Variants in NECTIN3 observed in about 807,000 individuals in gnomAD.
The protein encoded by NECTIN3 is nectin cell adhesion molecule 3, also known as nectin-3.
Under a neutral mutation model 49.4 loss-of-function variants are expected in NECTIN3, and 8 were observed. The ratio of observed to expected loss-of-function variants is 0.16; its 90% CI spans 0.10 to 0.29. NECTIN3 has a LOEUF of 0.29. NECTIN3 is among the 10% of genes least tolerant of loss of function. NECTIN3 has a pLI of 1.00. For missense variants in NECTIN3, 581 were observed against 654.6 expected, an observed-to-expected ratio of 0.89 and a Z score of 1.23; for synonymous variants, 277 against 241.1, an observed-to-expected ratio of 1.15 and a Z score of -1.38.
downstream of NECTIN3, among the ~76,000 whole-genome samples, chr3:111,140,909 T>A (rs1029356709): frequency 5.9e-5 from 9 of 152,092 alleles, no homozygotes; most frequent in African/African-American, 2.2e-4. Context: ...TTTCATGAAA[T>A]GTCTTTTTTA....
At chr3:111,076,576 G>A (rs770796060) in intron 1 of NECTIN3, among the ~76,000 whole-genome samples, 3 of 151,968 alleles carry the variant, frequency 2.0e-5, no homozygotes. Context: ...GTCTAAAATG[G>A]TCTTTAAATT....
intron 7 of NECTIN3, among the ~76,000 whole-genome samples, chr3:111,184,338 G>A (rs903529879): frequency 6.6e-6 from 1 of 152,060 alleles, no homozygotes; most frequent in Non-Finnish European, 1.5e-5. Context: ...AAATTTAATT[G>A]CCATTGTAAT....
downstream of NECTIN3, among the ~76,000 whole-genome samples, chr3:111,140,653 A>G (rs1375145342): frequency 4.0e-5 from 6 of 151,846 alleles, no homozygotes; most frequent in Non-Finnish European, 1.5e-5. Context: ...CTTCCTTTAC[A>G]TTTTTGACTA....
intron 1 of NECTIN3, 33 bp downstream of exon 1, chr3:111,072,210 G>A (rs934159945): frequency 1.3e-6 from 2 of 1,526,938 alleles, no homozygotes; most frequent in South Asian, 1.2e-5. Flanking sequence ...CGTGGGCTGA[G>A]GGAGCCGCCA....
At chr3:111,106,347 C>T (rs1407211288) in intron 1 of NECTIN3, among the ~76,000 whole-genome samples, 1 of 152,098 alleles carries the variant, frequency 6.6e-6, no homozygotes, top group Non-Finnish European at 1.5e-5. Flanking sequence ...CCAGGTTTCT[C>T]CTTAGAATAT....
At chr3:111,111,669 G>T (rs1220432861) in intron 1 of NECTIN3, among the ~76,000 whole-genome samples, 1 of 152,194 alleles carries the variant, frequency 6.6e-6, no homozygotes, top group Non-Finnish European at 1.5e-5. Flanking sequence ...GTGTCAGCCA[G>T]AGCTGGGAAC....
At chr3:111,129,878 G>T (rs2034314217) in intron 5 of NECTIN3, among the ~76,000 whole-genome samples, 1 of 151,720 alleles carries the variant, frequency 6.6e-6, no homozygotes, top group Non-Finnish European at 1.5e-5. Context: ...TTGAACTCCT[G>T]AGCTCAGGCA....
chr3:111,120,830 C>G (rs1398006404), intron 3 of NECTIN3, among the ~76,000 whole-genome samples: 1 of 151,890 alleles, frequency 6.6e-6, no homozygotes, highest in African/African-American at 2.4e-5. Flanking sequence ...TTAAATTAGG[C>G]CTTTCTTTTT....
chr3:111,135,284 A>G lies in NECTIN3; in HGVS notation c.*1069A>G. ...AACTAGATTATAGAATTAGTCGGTA[A>G]CACTTGCTAATGGACATTGGCATTC... On this transcript the variant is annotated 3_prime_UTR_variant, in exon 6 of 6. Coordinates refer to ENST00000485303, the MANE Select transcript of NECTIN3 (RefSeq NM_015480.3). 1 of 963,704 alleles carries G rather than the reference A, an allele frequency of 1.0e-6. No homozygotes were observed. The highest frequency in any genetic ancestry group is 4.8e-5 in the South Asian group (1 of 20,822). 59.7% of individuals were successfully genotyped at this position (963,704 alleles called of 1,614,324 possible).
chr3:111,100,696 A>T lies in NECTIN3; in HGVS notation c.161-11334A>T, dbSNP rs191825050. Among the ~76,000 whole-genome samples, 790 of 152,040 alleles carry T rather than the reference A, an allele frequency of 5.2e-3. 7 individuals carry two copies. The highest frequency in any genetic ancestry group is 0.018 in the African/African-American group (725 of 41,344). ...CATTTAAATATTTAAATAGTAATTT[A>T]AACTAACTTTAAGACTTTTTTAAAA... is the stretch of plus-strand genomic sequence containing the variant. On this transcript the variant is annotated intron_variant, in intron 1 of 5. Coordinates refer to ENST00000485303, the MANE Select transcript of NECTIN3 (RefSeq NM_015480.3).
intron 1 of NECTIN3, among the ~76,000 whole-genome samples, chr3:111,092,315 A>C (rs1038220012): frequency 1.3e-5 from 2 of 152,098 alleles, no homozygotes; most frequent in Admixed American, 1.3e-4. Context: ...AAAATACACT[A>C]TCTGTTTTTT....
At chr3:111,118,155 CT>C (rs1489045879) in intron 2 of NECTIN3, among the ~76,000 whole-genome samples, 13 of 147,542 alleles carry the variant, frequency 8.8e-5, no homozygotes, top group East Asian at 2.0e-4. Flanking sequence ...CTCAGAAGAA[CT>C]TTTTTTATTT....
intron 4 of NECTIN3, 109 bp from the exon 5 acceptor site, chr3:111,126,075 C>G: frequency 1.3e-6 from 1 of 772,602 alleles, no homozygotes; most frequent in Non-Finnish European, 1.8e-6. Flanking sequence ...GTCTGAGATG[C>G]TTTTTTATTT....
At chr3:111,138,687 T>A (rs2034658618), downstream of NECTIN3, among the ~76,000 whole-genome samples, 1 of 151,708 alleles carries the variant, frequency 6.6e-6, no homozygotes, top group Non-Finnish European at 1.5e-5. Context: ...TTTTAATAGC[T>A]GCTGTTTTTT....
intron 1 of NECTIN3, among the ~76,000 whole-genome samples, chr3:111,082,558 G>A (rs2031682041): frequency 6.6e-6 from 1 of 152,144 alleles, no homozygotes; most frequent in Admixed American, 6.5e-5. Context: ...TAGAGGTAAG[G>A]GCATTCGTGA....
At chr3:111,077,227 G>C (rs1232097151) in intron 1 of NECTIN3, 1 of 442,280 alleles carries the variant, frequency 2.3e-6, no homozygotes, top group Non-Finnish European at 4.6e-6. Flanking sequence ...ACTATTGACT[G>C]CCCACCATTC....
rs1267932734 is a variant in NECTIN3, at chr3:111,134,186, G to A, written c.1621G>A (p.Val541Ile). The change falls in exon 6 of 6, where the codon GTA becomes ATA. Residue 541 changes from valine to isoleucine, a missense_variant. By Grantham distance (29) the Val-to-Ile change is conservative (BLOSUM62 3). This residue lies in a region of NECTIN3 where 238 missense variants were observed against 244.9 expected (regional missense o/e 0.97). Coordinates refer to ENST00000485303, the MANE Select transcript of NECTIN3 (RefSeq NM_015480.3). ...DDLVSHVDGS[V>I]ISRREWYV ...CTTAGTTTCACATGTAGATGGTTCCGTAATTTCCAGGAGGGAGTGGTATGT... is the reference window on the plus strand; with the variant it reads ...CTTAGTTTCACATGTAGATGGTTCCATAATTTCCAGGAGGGAGTGGTATGT... 9 of 1,606,176 alleles carry A rather than the reference G, an allele frequency of 5.6e-6. No individual in the cohort carries two copies. Among genetic ancestry groups the A allele is most frequent in the South Asian group, 3.4e-5 (3 of 89,500 alleles).
chr3:111,091,637 T>C (rs971744425), intron 1 of NECTIN3, among the ~76,000 whole-genome samples: 1 of 152,198 alleles, frequency 6.6e-6, no homozygotes, highest in African/African-American at 2.4e-5. Context: ...TGTCAGTATT[T>C]CATTCTTTTT....
At position 111,134,779 on chromosome 3, in the gene NECTIN3, T is replaced by C. The variant is rs923506441; in HGVS notation, c.*564T>C. 7 of 975,164 alleles carry C rather than the reference T, an allele frequency of 7.2e-6. No homozygotes were observed. Among genetic ancestry groups the C allele is most frequent in the Non-Finnish European group, 8.5e-6 (7 of 820,672 alleles). 60.4% of individuals were successfully genotyped at this position (975,164 alleles called of 1,614,324 possible). On this transcript the variant is annotated 3_prime_UTR_variant, in exon 6 of 6. Coordinates refer to ENST00000485303, the MANE Select transcript of NECTIN3 (RefSeq NM_015480.3). ...TCTAAGTTTCTATACAAATGAAATC[T>C]TTACCTCTGCATATTAATGAGCCTT...
Sources: allele counts gnomAD v4.1 joint callset (sites outside exome capture counted in the v4.1 genomes callset), GRCh38; gene constraint gnomAD v4.1.1; regional missense constraint gnomAD v4.1.1; transcripts MANE v1.5; gene names NCBI Gene and HGNC (gene_info 2026-07-23, HGNC 2026-07-21).